Variants in GNA12 observed in about 807,000 individuals in gnomAD.
The protein encoded by GNA12 is G protein subunit alpha 12, also known as guanine nucleotide-binding protein subunit alpha-12.
Under a neutral mutation model 26.0 loss-of-function variants are expected in GNA12, and 9 were observed. That is an observed-to-expected ratio of 0.35 (90% confidence interval 0.21 to 0.60). The LOEUF is 0.60. Ranked by LOEUF, GNA12 falls within the 20% of genes least tolerant of loss-of-function variation. The pLI is 0.78. For missense variants in GNA12, 405 were observed against 525.8 expected (o/e 0.77, Z 2.25); for synonymous variants, 264 against 219.6 (o/e 1.20, Z -1.79).
intron 2 of GNA12, among the ~76,000 whole-genome samples, chr7:2,787,700 G>C (rs1445594589): frequency 1.3e-5 from 2 of 152,218 alleles, no homozygotes; most frequent in African/African-American, 4.8e-5. Context: ...CTTGACACTG[G>C]CCAGGCATCG....
At chr7:2,732,134 T>G (rs1340704327) in intron 3 of GNA12, among the ~76,000 whole-genome samples, 1 of 152,248 alleles carries the variant, frequency 6.6e-6, no homozygotes, top group East Asian at 1.9e-4. Flanking sequence ...GTGAATTAAT[T>G]TAGGTTTTGA....
At chr7:2,762,996 G>C in intron 2 of GNA12, 1 of 1,295,708 alleles carries the variant, frequency 7.7e-7, no homozygotes, top group Non-Finnish European at 9.8e-7. Context: ...GTGTGCTACT[G>C]TGGTCGCCAA....
intron 2 of GNA12, among the ~76,000 whole-genome samples, chr7:2,734,044 C>G (rs558327754): frequency 9.2e-5 from 14 of 152,318 alleles, no homozygotes; most frequent in African/African-American, 3.1e-4. Context: ...TTTATAGTAG[C>G]AAACACAGGG....
chr7:2,788,798 G>A (rs553318935), intron 2 of GNA12, among the ~76,000 whole-genome samples: 4 of 152,236 alleles, frequency 2.6e-5, no homozygotes, highest in East Asian at 1.9e-4. Flanking sequence ...GAGCTCAGCC[G>A]GCCTTGCCCC....
intron 1 of GNA12, among the ~76,000 whole-genome samples, chr7:2,803,125 T>C (rs1369272671): frequency 6.6e-6 from 1 of 152,120 alleles, no homozygotes; most frequent in Non-Finnish European, 1.5e-5. Context: ...TAAACTTGGC[T>C]CCTGCTATGG....
intron 1 of GNA12, among the ~76,000 whole-genome samples, chr7:2,808,204 C>T (rs1036767712): frequency 2.0e-5 from 3 of 152,256 alleles, no homozygotes; most frequent in Non-Finnish European, 2.9e-5. Flanking sequence ...TTCCTTCTCA[C>T]GCATACCCAA....
At chr7:2,819,256 G>C (rs1422584099) in intron 1 of GNA12, among the ~76,000 whole-genome samples, 1 of 152,188 alleles carries the variant, frequency 6.6e-6, no homozygotes, top group Non-Finnish European at 1.5e-5. Context: ...CTGAACCCTT[G>C]CCACAACCTG....
At chr7:2,768,908 A>T (rs561395164) in intron 2 of GNA12, among the ~76,000 whole-genome samples, 1 of 152,300 alleles carries the variant, frequency 6.6e-6, no homozygotes, top group African/African-American at 2.4e-5. Flanking sequence ...GTTGGTTTTT[A>T]CCCTTACCAT....
chr7:2,808,742 GGCT>G (rs1307520691), intron 1 of GNA12, among the ~76,000 whole-genome samples: 1 of 152,134 alleles, frequency 6.6e-6, no homozygotes, highest in Non-Finnish European at 1.5e-5. Context: ...TCTTCTAATT[GGCT>G]GCTTTGTGTC....
chr7:2,781,412 CTGTGTGT>C (rs1159810478), intron 2 of GNA12, among the ~76,000 whole-genome samples: 1 of 143,616 alleles, frequency 7.0e-6, no homozygotes, highest in African/African-American at 2.6e-5. Flanking sequence ...AAGTAAGTGT[CTGTGTGT>C]GTGTGTGTGT....
intron 1 of GNA12, among the ~76,000 whole-genome samples, chr7:2,816,692 T>C (rs1793226686): frequency 6.6e-6 from 1 of 152,194 alleles, no homozygotes; most frequent in Non-Finnish European, 1.5e-5. Flanking sequence ...GGAAGGGCAG[T>C]AGCAGCAGTG....
At chr7:2,751,878 C>T (rs111890140) in intron 2 of GNA12, among the ~76,000 whole-genome samples, 269 of 152,282 alleles carry the variant, frequency 1.8e-3, no homozygotes, top group African/African-American at 6.1e-3. Context: ...AACAAAACTT[C>T]CCCAAAGGAA....
At chr7:2,759,896 T>C (rs1791477417) in intron 2 of GNA12, among the ~76,000 whole-genome samples, 1 of 152,120 alleles carries the variant, frequency 6.6e-6, no homozygotes, top group African/African-American at 2.4e-5. Context: ...CTGAGGTCCT[T>C]TGAAAAGCTC....
intron 2 of GNA12, among the ~76,000 whole-genome samples, chr7:2,772,299 C>G (rs917220943): frequency 1.3e-5 from 2 of 152,128 alleles, no homozygotes; most frequent in African/African-American, 2.4e-5. Flanking sequence ...CAGTGGCTCA[C>G]GCCTGTAATC....
At chr7:2,779,080 T>A (rs1562423556) in intron 2 of GNA12, among the ~76,000 whole-genome samples, 1 of 152,178 alleles carries the variant, frequency 6.6e-6, no homozygotes, top group Non-Finnish European at 1.5e-5. Context: ...TAGCTGAGGC[T>A]GGGCGTGGTG....
rs1789735742 is a variant in GNA12 at position 2,728,784 on chromosome 7, T to C, written c.*2397A>G. The C allele has an allele frequency of 6.6e-6, 1 of 152,364 alleles. No homozygotes were observed. The allele number at this position is 152,364 out of a possible 1,614,324, so 9.4% of individuals were successfully genotyped here. On this transcript the variant is annotated 3_prime_UTR_variant, in exon 4 of 4. Coordinates refer to ENST00000275364, the MANE Select transcript of GNA12 (RefSeq NM_007353.3). ...GAGTTTCCTTCTTCTCCAATTACAA[T>C]GTGTTACAGAATTTGGAAGGGGGTG...
chr7:2,837,189 C>A (rs553605105), intron 1 of GNA12, among the ~76,000 whole-genome samples: 12 of 151,424 alleles, frequency 7.9e-5, no homozygotes, highest in African/African-American at 2.9e-4. Context: ...TGCACCCCCA[C>A]CACGAGGCAG....
intron 1 of GNA12, among the ~76,000 whole-genome samples, chr7:2,825,188 G>A (rs575970953): frequency 1.3e-5 from 2 of 152,194 alleles, no homozygotes; most frequent in Non-Finnish European, 2.9e-5. Flanking sequence ...AAAGGTGTGG[G>A]GGAAGCCCGA....
chr7:2,788,360 T>C (rs1792419826), intron 2 of GNA12, among the ~76,000 whole-genome samples: 1 of 151,992 alleles, frequency 6.6e-6, no homozygotes, highest in Non-Finnish European at 1.5e-5. Context: ...CTTCTGAGGA[T>C]GTGTTGGACG....
Sources: gnomAD v4.1 joint callset for allele counts (sites outside exome capture counted in the v4.1 genomes callset) on GRCh38, gnomAD v4.1.1 for gene constraint, MANE v1.5 for transcripts, NCBI Gene and HGNC (gene_info 2026-07-23, HGNC 2026-07-21) for gene names.